The following SLC39A12 variants were observed in gnomAD, a reference collection of about 807,000 sequenced individuals.
SLC39A12 encodes zinc transporter ZIP12.
SLC39A12 carries 63 observed loss-of-function variants against 71.1 expected under a neutral mutation model. The observed-to-expected ratio is 0.89, with a 90% CI of 0.72 to 1.09. The LOEUF is 1.09. SLC39A12 is among the 50% of genes least tolerant of loss of function. The pLI is 0.00. For missense variants in SLC39A12, 892 were observed against 812.6 expected (o/e 1.10, Z -1.19); for synonymous variants, 351 against 301.3 (o/e 1.16, Z -1.71).
At chr10:18,035,840 T>C (rs568471365) in intron 12 of SLC39A12, among the ~76,000 whole-genome samples, 2 of 152,336 alleles carry the variant, frequency 1.3e-5, no homozygotes, top group South Asian at 4.1e-4. Flanking sequence ...TGGATGTCCT[T>C]TCTGTTTTTT....
intron 3 of SLC39A12, 111 bp downstream of exon 3, chr10:17,961,973 G>A: frequency 2.7e-6 from 3 of 1,122,760 alleles, no homozygotes; most frequent in Non-Finnish European, 3.7e-6. Flanking sequence ...AGGGAGGTAA[G>A]TATTTGTGGG....
rs1384609072 is a variant in SLC39A12 at position 17,965,509 on chromosome 10, A to G, written c.570A>G (p.Lys190=). The G allele has an allele frequency of 6.2e-7, 1 of 1,614,220 alleles. No homozygotes were observed. The highest frequency in any genetic ancestry group is 1.1e-5 in the South Asian group (1 of 91,080). The change falls in exon 4 of 13, where the codon AAA becomes AAG. Residue 190 remains lysine, a synonymous_variant. Transcript: ENST00000377369. ...SQCMETKTLQ[K]KSGIVSSEGA... The stretch of plus-strand genomic sequence containing the variant: ...GTATGGAAACCAAAACGCTGCAGAA[A>G]AAATCTGGAATAGTGAGCAGTGAAG...
intron 2 of SLC39A12, among the ~76,000 whole-genome samples, chr10:17,955,532 G>A (rs990862826): frequency 1.9e-4 from 29 of 152,196 alleles, no homozygotes; most frequent in Non-Finnish European, 4.3e-4. Context: ...TTGTGGCCGA[G>A]TCTGTTCTGT....
In SLC39A12 at chr10:18,009,310, G is replaced by T. The variant is rs1322482164; in HGVS notation, c.1947+5952G>T. 2.0e-5 allele frequency among the ~76,000 whole-genome samples: 3 copies of T among 152,126 alleles called. No homozygotes were observed. The East Asian group carries it at 5.8e-4, about 29-fold the overall frequency. On this transcript the variant is annotated intron_variant, in intron 12 of 12. Transcript: ENST00000377369. ...ATTAATAGAACCCAAGCTGATGGAGGAGCTGTAACTTAGGGAGGGAGCTAA... is the reference window on the plus strand; with the variant it reads ...ATTAATAGAACCCAAGCTGATGGAGTAGCTGTAACTTAGGGAGGGAGCTAA...
intron 12 of SLC39A12, among the ~76,000 whole-genome samples, chr10:18,014,122 T>C (rs1414410575): frequency 1.3e-5 from 2 of 152,208 alleles, no homozygotes; most frequent in Non-Finnish European, 2.9e-5. Flanking sequence ...ATTTTGTTTT[T>C]AATTTCTTTC....
At chr10:18,003,482 A>G (rs1835894531) in intron 12 of SLC39A12, 124 bp downstream of exon 12, 8 of 866,194 alleles carry the variant, frequency 9.2e-6, no homozygotes, top group South Asian at 4.4e-5. Flanking sequence ...AATATAAACC[A>G]TTAAGGAATA....
At chr10:18,041,504 A>T (rs9417346) in intron 12 of SLC39A12, among the ~76,000 whole-genome samples, 94,550 of 132,150 alleles carry the variant, frequency 0.72, 34,708 homozygotes, top group African/African-American at 0.74. Context: ...TCAAAAAAAA[A>T]AAACTTTATA....
intron 4 of SLC39A12, among the ~76,000 whole-genome samples, chr10:17,971,266 C>G (rs1328577275): frequency 1.3e-5 from 1 of 74,756 alleles, no homozygotes; most frequent in Non-Finnish European, 3.0e-5. Flanking sequence ...CTGCCCCTCC[C>G]CTCCCCTCCC....
At chr10:17,958,982 A>G (rs547760952) in intron 2 of SLC39A12, among the ~76,000 whole-genome samples, 2 of 152,336 alleles carry the variant, frequency 1.3e-5, no homozygotes, top group East Asian at 1.9e-4. Context: ...TTATGCACCA[A>G]GGAATAACTG....
At chr10:18,007,579 C>T (rs1589244744) in intron 12 of SLC39A12, among the ~76,000 whole-genome samples, 1 of 152,328 alleles carries the variant, frequency 6.6e-6, no homozygotes, top group South Asian at 2.1e-4. Context: ...AGAATGGCTA[C>T]TCCATAGACA....
intron 5 of SLC39A12, among the ~76,000 whole-genome samples, chr10:17,980,098 T>G (rs903555609): frequency 6.6e-6 from 1 of 152,156 alleles, no homozygotes; most frequent in African/African-American, 2.4e-5. Flanking sequence ...AAGTTCTCAT[T>G]CCTTATGAAG....
intron 10 of SLC39A12, among the ~76,000 whole-genome samples, chr10:17,999,294 C>CAA (rs59734258): frequency 0.38 from 26,492 of 70,060 alleles, 5,172 homozygotes; most frequent in Non-Finnish European, 0.44. Flanking sequence ...GACTCCATCT[C>CAA]AAAAAAAAAA....
chr10:18,041,909 G>T (rs1837266767), intron 12 of SLC39A12, among the ~76,000 whole-genome samples: 2 of 145,736 alleles, frequency 1.4e-5, no homozygotes, highest in Non-Finnish European at 3.0e-5. Flanking sequence ...ATGTATATAT[G>T]TATACATATA....
intron 4 of SLC39A12, among the ~76,000 whole-genome samples, chr10:17,967,170 C>G (rs1012936001): frequency 1.7e-4 from 26 of 151,976 alleles, no homozygotes; most frequent in Admixed American, 4.6e-4. Flanking sequence ...GGTTGGTTTT[C>G]ATATGGAGTT....
chr10:17,992,879 C>T (rs958911124), intron 8 of SLC39A12, among the ~76,000 whole-genome samples: 1 of 152,104 alleles, frequency 6.6e-6, no homozygotes, highest in African/African-American at 2.4e-5. Context: ...TCACAGGGTA[C>T]AATACAGTTT....
chr10:17,987,659 G>C lies in SLC39A12; in HGVS notation c.1269+8G>C. On this transcript the variant is annotated splice_region_variant and intron_variant, in intron 7 of 12. Transcript: ENST00000377369. ...CTCCACCTTATCCCTCAGGTAATCT[G>C]GTCTTTTCCATTTCAGATAAAGTTC... 2 of 1,613,510 alleles carry C rather than the reference G, an allele frequency of 1.2e-6. No homozygotes were observed. Among genetic ancestry groups the C allele is most frequent in the Non-Finnish European group, 1.7e-6 (2 of 1,179,876 alleles).
At chr10:17,983,099 C>T (rs952194894) in intron 6 of SLC39A12, among the ~76,000 whole-genome samples, 3 of 127,510 alleles carry the variant, frequency 2.4e-5, no homozygotes, top group Non-Finnish European at 3.1e-5. Context: ...ACTTGGGAGA[C>T]GGAGCTTGCA....
chr10:17,985,266 C>T (rs1341087481), intron 6 of SLC39A12, among the ~76,000 whole-genome samples: 1 of 152,072 alleles, frequency 6.6e-6, no homozygotes, highest in Non-Finnish European at 1.5e-5. Context: ...TCACTTGAGC[C>T]CGGGAGGTGG....
intron 3 of SLC39A12, among the ~76,000 whole-genome samples, chr10:17,963,324 C>T (rs1554848626): frequency 1.3e-5 from 2 of 152,196 alleles, no homozygotes; most frequent in African/African-American, 4.8e-5. Flanking sequence ...TAATCCTACC[C>T]ATTACTGCCT....
Sources: gnomAD v4.1 joint callset for allele counts (sites outside exome capture counted in the v4.1 genomes callset) on GRCh38, gnomAD v4.1.1 for gene constraint, MANE v1.5 for transcripts, NCBI Gene and HGNC (gene_info 2026-07-23, HGNC 2026-07-21) for gene names.